The following XKR4 variants were observed in gnomAD, a reference collection of about 807,000 sequenced individuals.
The protein encoded by XKR4 is XK-related protein 4.
Under a neutral mutation model 53.9 loss-of-function variants are expected in XKR4, and 12 were observed. That is an observed-to-expected ratio of 0.22 (90% CI 0.14 to 0.36). The LOEUF is 0.36. Among genes scored for constraint, XKR4 ranks in the 10% least tolerant of loss-of-function variants. The probability of loss-of-function intolerance (pLI) is 1.00; values close to 1 mark genes in which losing one functional copy is unlikely to be tolerated. For missense variants in XKR4, 799 were observed against 859.5 expected (o/e 0.93, Z 0.88); for synonymous variants, 354 against 362.4 (o/e 0.98, Z 0.26).
At chr8:55,198,663 A>G (rs545729470) in intron 1 of XKR4, among the ~76,000 whole-genome samples, 2 of 152,284 alleles carry the variant, frequency 1.3e-5, no homozygotes, top group Non-Finnish European at 2.9e-5. Flanking sequence ...AATTATGTTC[A>G]TATCTTAGAA....
At position 55,465,481 on chromosome 8, in the gene XKR4, T is replaced by G. The variant is rs1021645475; in HGVS notation, c.1007-57800T>G. ...CCTTCCTTACACCTTATACAAAAAT[T>G]AACTCAAGATGGATTAAAGACTTAA... On this transcript the variant is annotated intron_variant, in intron 2 of 2. Coordinates refer to ENST00000327381, the MANE Select transcript of XKR4 (RefSeq NM_052898.2). Among the ~76,000 whole-genome samples the G allele has an allele frequency of 3.3e-4, 50 of 151,204 alleles. No individual in the cohort carries two copies. The East Asian group carries it at 6.8e-3, about 21-fold the overall frequency.
At chr8:55,450,272 G>C (rs909199532) in intron 2 of XKR4, 7 of 696,760 alleles carry the variant, frequency 1.0e-5, no homozygotes, top group African/African-American at 3.6e-5. Flanking sequence ...GGGGTTCCCC[G>C]AGCCAGTTCC....
chr8:55,118,253 G>T (rs1020259742), intron 1 of XKR4, among the ~76,000 whole-genome samples: 2 of 152,172 alleles, frequency 1.3e-5, no homozygotes, highest in South Asian at 2.1e-4. Flanking sequence ...TGGGAAATGC[G>T]TAGTACTAAA....
intron 2 of XKR4, among the ~76,000 whole-genome samples, chr8:55,497,462 C>T (rs1240342188): frequency 1.3e-5 from 2 of 152,130 alleles, no homozygotes; most frequent in Non-Finnish European, 2.9e-5. Flanking sequence ...TGTGTCTGTT[C>T]TAACCTTTTG....
At chr8:55,238,535 C>T (rs1334303860) in intron 1 of XKR4, among the ~76,000 whole-genome samples, 1 of 152,066 alleles carries the variant, frequency 6.6e-6, no homozygotes, top group East Asian at 1.9e-4. Flanking sequence ...GGTCAAAGCC[C>T]CTGACCTGGA....
At chr8:55,453,982 A>T (rs2939638) in intron 2 of XKR4, 322,080 of 780,500 alleles carry the variant, frequency 0.41, 68,829 homozygotes, top group East Asian at 0.48. Flanking sequence ...AGGCTGCCTT[A>T]TGGAAGCGGA....
rs1202118443 is a variant in XKR4 at position 55,524,605 on chromosome 8, C to T, written c.*378C>T. The T allele has an allele frequency of 4.5e-5, 9 of 200,614 alleles. No individual in the cohort carries two copies. The highest frequency in any genetic ancestry group is 9.1e-5 in the Non-Finnish European group (9 of 98,522). 12.4% of individuals were successfully genotyped at this position (200,614 alleles called of 1,614,324 possible). On this transcript the variant is annotated 3_prime_UTR_variant, in exon 3 of 3. Transcript: ENST00000327381. ...CCATAAAAATAGATTCAGTCATACA[C>T]ACATACACACACTAACACACATAAG...
At chr8:55,493,253 C>T (rs1806295742) in intron 2 of XKR4, among the ~76,000 whole-genome samples, 1 of 152,180 alleles carries the variant, frequency 6.6e-6, no homozygotes, top group African/African-American at 2.4e-5. Context: ...TCATAGCATC[C>T]TACCAGGAGT....
chr8:55,452,452 C>A lies in XKR4; in HGVS notation c.1007-70829C>A, dbSNP rs186201810. On this transcript the variant is annotated intron_variant, in intron 2 of 2. Coordinates refer to ENST00000327381, the MANE Select transcript of XKR4 (RefSeq NM_052898.2). ...GGCCACCCCGCACTGCCCGCCCTCG[C>A]ACCCTCCTCACGCCCATCCGGTGGC... 1.0e-4 allele frequency: 63 copies of A among 627,542 alleles called. No individual in the cohort carries two copies. In the African/African-American group the frequency reaches 1.0e-3, roughly 10 times the overall value. The allele number at this position is 627,542 out of a possible 1,614,324, so 38.9% of individuals were successfully genotyped here.
intron 2 of XKR4, among the ~76,000 whole-genome samples, chr8:55,382,306 A>G (rs955743037): frequency 3.3e-5 from 5 of 152,246 alleles, no homozygotes; most frequent in African/African-American, 1.2e-4. Flanking sequence ...TATTATACAA[A>G]GTGTAATATT....
chr8:55,293,905 A>G (rs1042240339), intron 1 of XKR4, among the ~76,000 whole-genome samples: 6 of 152,234 alleles, frequency 3.9e-5, no homozygotes, highest in Admixed American at 1.3e-4. Flanking sequence ...ATTTATTTAT[A>G]TCTGCATTTA....
At chr8:55,137,418 A>G (rs1382769155) in intron 1 of XKR4, among the ~76,000 whole-genome samples, 1 of 152,210 alleles carries the variant, frequency 6.6e-6, no homozygotes, top group Non-Finnish European at 1.5e-5. Flanking sequence ...TAAATCCAAG[A>G]GGAATCTAAA....
At chr8:55,396,879 C>T (rs1363838885) in intron 2 of XKR4, among the ~76,000 whole-genome samples, 2 of 152,118 alleles carry the variant, frequency 1.3e-5, no homozygotes, top group East Asian at 3.9e-4. Flanking sequence ...AAATTGTATT[C>T]AGTATAAAAT....
At chr8:55,460,011 G>GAAAAAAAAAAAAAAAA in intron 2 of XKR4, among the ~76,000 whole-genome samples, 1 of 134,042 alleles carries the variant, frequency 7.5e-6, no homozygotes, top group Non-Finnish European at 1.6e-5. Context: ...GCCAAATGCT[G>GAAAAAAAAAAAAAAAA]AAAAAAAAAA....
chr8:55,289,723 G>GAGAA (rs1203596367), intron 1 of XKR4, among the ~76,000 whole-genome samples: 16 of 48,982 alleles, frequency 3.3e-4, no homozygotes, highest in East Asian at 1.5e-3. Flanking sequence ...GAGAGAGAAA[G>GAGAA]AGAAAGAAAG....
At chr8:55,303,912 T>C (rs1819247916) in intron 1 of XKR4, among the ~76,000 whole-genome samples, 1 of 152,078 alleles carries the variant, frequency 6.6e-6, no homozygotes, top group South Asian at 2.1e-4. Context: ...GTCTTGCTAG[T>C]GGTCTATCAA....
chr8:55,195,429 T>A lies in XKR4; in HGVS notation c.806+92135T>A, dbSNP rs934773640. Among the ~76,000 whole-genome samples the A allele has an allele frequency of 2.0e-5, 3 of 147,738 alleles. No individual in the cohort carries two copies. In the South Asian group the frequency reaches 6.4e-4, roughly 31 times the overall value. ...AATTAGTTTTTTAAATAAAATATAC[T>A]ATTATATATAACATATATTTTAGTA... On this transcript the variant is annotated intron_variant, in intron 1 of 2. Transcript: ENST00000327381.
intron 1 of XKR4, among the ~76,000 whole-genome samples, chr8:55,336,655 A>T (rs575856525): frequency 1.3e-5 from 2 of 152,318 alleles, no homozygotes; most frequent in East Asian, 3.9e-4. Context: ...TTTAAAGAAC[A>T]AATGACAACT....
chr8:55,437,094 A>G (rs1449031153), intron 2 of XKR4, among the ~76,000 whole-genome samples: 1 of 152,258 alleles, frequency 6.6e-6, no homozygotes, highest in Non-Finnish European at 1.5e-5. Context: ...TGTTTTTGTT[A>G]AGGAAATAAG....
Sources: gnomAD v4.1 joint callset for allele counts (sites outside exome capture counted in the v4.1 genomes callset) on GRCh38, gnomAD v4.1.1 for gene constraint, MANE v1.5 for transcripts, NCBI Gene and HGNC (gene_info 2026-07-23, HGNC 2026-07-21) for gene names.